Variants in BCL2 observed in about 807,000 individuals in gnomAD.
BCL2 encodes the protein apoptosis regulator Bcl-2.
Under a neutral mutation model 14.2 loss-of-function variants are expected in BCL2, and 1 was observed. The ratio of observed to expected loss-of-function variants is 0.07; its 90% CI spans 0.02 to 0.33. BCL2 has a LOEUF of 0.33. Ranked by LOEUF, BCL2 falls within the 10% of genes least tolerant of loss-of-function variation. BCL2 has a pLI of 0.99. For synonymous variants in BCL2, 151 were observed against 137.2 expected, an observed-to-expected ratio of 1.10 and a Z score of -0.70; for missense variants, 247 against 305.9, an observed-to-expected ratio of 0.81 and a Z score of 1.44.
At chr18:63,225,108 C>A in intron 2 of BCL2, among the ~76,000 whole-genome samples, 1 of 151,424 alleles carries the variant, frequency 6.6e-6, no homozygotes, top group Non-Finnish European at 1.5e-5. Flanking sequence ...GTACTGTGAG[C>A]CTATGGAAGA....
chr18:63,171,079 T>C (rs1024993464), intron 2 of BCL2, among the ~76,000 whole-genome samples: 17 of 152,194 alleles, frequency 1.1e-4, no homozygotes, highest in Non-Finnish European at 2.1e-4. Flanking sequence ...TATAATGTTT[T>C]CCTCTATTCT....
At chr18:63,283,520 GGCTA>G (rs1381801314) in intron 2 of BCL2, among the ~76,000 whole-genome samples, 1 of 152,156 alleles carries the variant, frequency 6.6e-6, no homozygotes, top group Admixed American at 6.5e-5. Flanking sequence ...ATGTTTGCGT[GGCTA>G]GCTGAGTACA....
At chr18:63,180,217 A>G (rs2144640699) in intron 2 of BCL2, among the ~76,000 whole-genome samples, 1 of 152,350 alleles carries the variant, frequency 6.6e-6, no homozygotes, top group South Asian at 2.1e-4. Context: ...AATGTGTTTT[A>G]GCCATAGGAA....
chr18:63,147,159 A>G (rs563292323), intron 2 of BCL2, among the ~76,000 whole-genome samples: 1 of 152,270 alleles, frequency 6.6e-6, no homozygotes, highest in East Asian at 1.9e-4. Flanking sequence ...GTGGGGTCTG[A>G]GTGTCGACGC....
At chr18:63,251,891 G>T (rs894628839) in intron 2 of BCL2, among the ~76,000 whole-genome samples, 6 of 151,846 alleles carry the variant, frequency 4.0e-5, no homozygotes, top group African/African-American at 1.5e-4. Flanking sequence ...TAGAGATGGG[G>T]TTTCACCATG....
chr18:63,223,117 C>G (rs970146426), intron 2 of BCL2, among the ~76,000 whole-genome samples: 28 of 152,106 alleles, frequency 1.8e-4, no homozygotes, highest in Non-Finnish European at 3.1e-4. Flanking sequence ...ATAAGAAGAA[C>G]AGGGCAGGGC....
At chr18:63,220,486 C>CA (rs1383781613) in intron 2 of BCL2, among the ~76,000 whole-genome samples, 6 of 152,180 alleles carry the variant, frequency 3.9e-5, no homozygotes, top group African/African-American at 1.4e-4. Context: ...GGGCAGAATC[C>CA]AGGCTTCCTG....
intron 2 of BCL2, among the ~76,000 whole-genome samples, chr18:63,219,479 C>G (rs901487264): frequency 8.2e-6 from 1 of 122,642 alleles, no homozygotes; most frequent in Non-Finnish European, 1.6e-5. Flanking sequence ...TTTTTTGAGA[C>G]GGATTCTCGC....
intron 2 of BCL2, among the ~76,000 whole-genome samples, chr18:63,153,193 T>C (rs551412780): frequency 1.4e-4 from 22 of 152,340 alleles, no homozygotes; most frequent in African/African-American, 5.3e-4. Context: ...AATGCTTAAA[T>C]CTAACTCATG....
intron 2 of BCL2, chr18:63,315,476 A>G (rs1913465911): frequency 6.6e-6 from 1 of 152,262 alleles, no homozygotes. Flanking sequence ...CCTCAGCCTC[A>G]CAAGGTTCCA....
At chr18:63,249,504 C>G (rs1313962149) in intron 2 of BCL2, among the ~76,000 whole-genome samples, 1 of 152,040 alleles carries the variant, frequency 6.6e-6, no homozygotes, top group African/African-American at 2.4e-5. Context: ...GTCAGGAATT[C>G]AAGACCAGCC....
Position 63,125,236 on chromosome 18 carries a change from A to G in BCL2, c.*3389T>C. Reference sequence around the variant, plus strand: ...GGCCACATCTGAACACAGAGAGGTAAGTGAGCTGTGGAGAGAATGTTGGCG... The same window carrying G: ...GGCCACATCTGAACACAGAGAGGTAGGTGAGCTGTGGAGAGAATGTTGGCG... On this transcript the variant is annotated 3_prime_UTR_variant, in exon 3 of 3. Transcript: ENST00000333681. 2 of 226,218 alleles carry G rather than the reference A, an allele frequency of 8.8e-6. No individual in the cohort carries two copies. Among genetic ancestry groups the G allele is most frequent in the Non-Finnish European group, 1.8e-5 (2 of 113,610 alleles). 14.0% of individuals were successfully genotyped at this position (226,218 alleles called of 1,614,324 possible).
At chr18:63,161,301 T>C (rs1347387167) in intron 2 of BCL2, among the ~76,000 whole-genome samples, 1 of 152,220 alleles carries the variant, frequency 6.6e-6, no homozygotes, top group African/African-American at 2.4e-5. Context: ...TGGTGATTGT[T>C]CTCTTGTCTT....
intron 2 of BCL2, chr18:63,316,665 C>G (rs1048697284): frequency 3.3e-5 from 5 of 152,126 alleles, no homozygotes; most frequent in African/African-American, 1.2e-4. Context: ...CAACTTTGGT[C>G]AAATAAGATC....
intron 2 of BCL2, among the ~76,000 whole-genome samples, chr18:63,165,945 G>A (rs376882037): frequency 2.0e-5 from 3 of 152,262 alleles, no homozygotes; most frequent in African/African-American, 4.8e-5. Flanking sequence ...GGCAGAGTTC[G>A]TTTGCTGGAT....
At chr18:63,217,793 T>A (rs560906311) in intron 2 of BCL2, among the ~76,000 whole-genome samples, 10 of 152,326 alleles carry the variant, frequency 6.6e-5, no homozygotes, top group African/African-American at 2.2e-4. Context: ...TCTCTGGCAA[T>A]CCATGACCCT....
chr18:63,156,852 C>T (rs1192585168), intron 2 of BCL2, among the ~76,000 whole-genome samples: 1 of 152,206 alleles, frequency 6.6e-6, no homozygotes, highest in Non-Finnish European at 1.5e-5. Flanking sequence ...GGTAGAAACG[C>T]TTGCCCAGGA....
At chr18:63,263,830 C>CA (rs1473692210) in intron 2 of BCL2, among the ~76,000 whole-genome samples, 2 of 152,262 alleles carry the variant, frequency 1.3e-5, no homozygotes, top group African/African-American at 4.8e-5. Flanking sequence ...TGGACTGCTG[C>CA]AAATTTTTTT....
At chr18:63,195,251 T>C (rs895886766) in intron 2 of BCL2, among the ~76,000 whole-genome samples, 2 of 152,220 alleles carry the variant, frequency 1.3e-5, no homozygotes, top group African/African-American at 4.8e-5. Flanking sequence ...TTTCATCATC[T>C]GTCATTTATC....
Sources: gnomAD v4.1 joint callset for allele counts (sites outside exome capture counted in the v4.1 genomes callset) on GRCh38, gnomAD v4.1.1 for gene constraint, MANE v1.5 for transcripts, NCBI Gene and HGNC (gene_info 2026-07-23, HGNC 2026-07-21) for gene names.